ANKRD6: variants seen among roughly 807,000 people sequenced by gnomAD.
ANKRD6 encodes the protein ankyrin repeat domain 6.
A neutral mutation model predicts 82.3 loss-of-function variants in ANKRD6; 56 were observed. That is an observed-to-expected ratio of 0.68 (90% confidence interval 0.55 to 0.85). The LOEUF (loss-of-function observed/expected upper bound fraction) is 0.85, where lower values mean the gene tolerates loss of function less well. Ranked by LOEUF, ANKRD6 falls within the 40% of genes least tolerant of loss-of-function variation. ANKRD6 has a pLI of 0.00. For missense variants in ANKRD6, 852 were observed against 907.6 expected (o/e 0.94, Z 0.79); for synonymous variants, 347 against 352.1 (o/e 0.99, Z 0.16).
At chr6:89,440,956 C>G (rs150751206) in intron 1 of ANKRD6, among the ~76,000 whole-genome samples, 82 of 152,196 alleles carry the variant, frequency 5.4e-4, no homozygotes, top group Middle Eastern at 6.8e-3. Context: ...CAGAGATTAC[C>G]TGGCCCACAA....
chr6:89,481,110 T>C (rs1776756736), intron 1 of ANKRD6, among the ~76,000 whole-genome samples: 1 of 152,038 alleles, frequency 6.6e-6, no homozygotes, highest in Admixed American at 6.6e-5. Flanking sequence ...TCCTTGCATT[T>C]AAAAAATACA....
chr6:89,606,171 G>C (rs1412482652), intron 5 of ANKRD6, 66 bp downstream of exon 5: 1 of 1,321,268 alleles, frequency 7.6e-7, no homozygotes, highest in Non-Finnish European at 1.0e-6. Flanking sequence ...TTCTCCCCCT[G>C]TGGGAGCCTT....
intron 1 of ANKRD6, among the ~76,000 whole-genome samples, chr6:89,499,688 C>T (rs1003597090): frequency 6.6e-6 from 1 of 152,054 alleles, no homozygotes; most frequent in Admixed American, 6.6e-5. Context: ...TGGTAAGAAA[C>T]GTTAGTCTGC....
intron 4 of ANKRD6, 130 bp downstream of exon 4, chr6:89,603,257 T>G: frequency 1.5e-6 from 1 of 679,078 alleles, no homozygotes; most frequent in Non-Finnish European, 2.5e-6. Flanking sequence ...CACTTATGAT[T>G]TAACATGATT....
chr6:89,521,896 TTA>T (rs1242224889), intron 1 of ANKRD6, among the ~76,000 whole-genome samples: 1 of 152,216 alleles, frequency 6.6e-6, no homozygotes, highest in Non-Finnish European at 1.5e-5. Flanking sequence ...TTCTGTGCAT[TTA>T]TATTTATTTT....
chr6:89,443,254 G>A (rs1414163171), intron 1 of ANKRD6, among the ~76,000 whole-genome samples: 1 of 152,094 alleles, frequency 6.6e-6, no homozygotes, highest in African/African-American at 2.4e-5. Context: ...AGGTTTCTTT[G>A]GAATTCTTTG....
chr6:89,583,839 C>T lies in ANKRD6; in HGVS notation c.121-12077C>T, dbSNP rs531980309. Among the ~76,000 whole-genome samples the T allele has an allele frequency of 8.1e-4, 124 of 152,328 alleles. 1 individual carries two copies. Among genetic ancestry groups the T allele is most frequent in the South Asian group, 2.7e-3 (13 of 4,822 alleles). ...GGTTCTCAGTGGCAGTGAAGGCAGG[C>T]CCTGTTTGCCCCCTGCTTCTCTCCT... On this transcript the variant is annotated intron_variant, in intron 2 of 15. Coordinates refer to ENST00000339746, the MANE Select transcript of ANKRD6 (RefSeq NM_001242809.2).
At chr6:89,579,771 A>AAAAG (rs1216193225) in intron 2 of ANKRD6, among the ~76,000 whole-genome samples, 9 of 151,472 alleles carry the variant, frequency 5.9e-5, no homozygotes, top group Non-Finnish European at 1.2e-4. Context: ...AAAAAAAAAA[A>AAAAG]AAAAAAAGGC....
chr6:89,484,116 C>T (rs1015382741), intron 1 of ANKRD6, among the ~76,000 whole-genome samples: 3 of 152,176 alleles, frequency 2.0e-5, no homozygotes, highest in Non-Finnish European at 4.4e-5. Context: ...CCATGTTGGC[C>T]AGGCTGGTCT....
chr6:89,477,537 C>T (rs1455865385), intron 1 of ANKRD6, among the ~76,000 whole-genome samples: 1 of 151,094 alleles, frequency 6.6e-6, no homozygotes, highest in African/African-American at 2.4e-5. Flanking sequence ...TTTGGGAGGC[C>T]GAGGCGGGCG....
At chr6:89,623,029 G>A (rs1804139218) in intron 10 of ANKRD6, among the ~76,000 whole-genome samples, 1 of 124,554 alleles carries the variant, frequency 8.0e-6, no homozygotes, top group South Asian at 3.2e-4. Context: ...GGGTGGGGGG[G>A]GCGGGAGGGG....
intron 1 of ANKRD6, among the ~76,000 whole-genome samples, chr6:89,527,601 C>CAAAAAA (rs35855223): frequency 4.4e-3 from 195 of 43,898 alleles, no homozygotes; most frequent in Middle Eastern, 0.025. Context: ...GACTCCGTCT[C>CAAAAAA]AAAAAAAAAA....
chr6:89,604,750 G>A (rs574892980), intron 4 of ANKRD6, among the ~76,000 whole-genome samples: 6 of 152,114 alleles, frequency 3.9e-5, no homozygotes, highest in African/African-American at 7.2e-5. Context: ...GCCACACACC[G>A]CCAATACAGT....
In ANKRD6 at chr6:89,544,953, C is replaced by G. The variant is rs188034317; in HGVS notation, c.-143-21881C>G. Among the ~76,000 whole-genome samples the G allele has an allele frequency of 2.3e-3, 351 of 151,958 alleles. 1 individual carries two copies. The highest frequency in any genetic ancestry group is 8.2e-3 in the African/African-American group (340 of 41,448). On this transcript the variant is annotated intron_variant, in intron 1 of 15. Transcript: ENST00000339746. Reference sequence around the variant, plus strand: ...TTCGGGCCAGGCACGGTGGCTCACGCCTGTAATCCCAGCACTTCGGGAGGC... The same window carrying G: ...TTCGGGCCAGGCACGGTGGCTCACGGCTGTAATCCCAGCACTTCGGGAGGC...
chr6:89,544,441 C>T (rs562945081), intron 1 of ANKRD6, among the ~76,000 whole-genome samples: 2 of 152,364 alleles, frequency 1.3e-5, no homozygotes, highest in East Asian at 1.9e-4. Context: ...CCTGTCCGGG[C>T]ACAGTGGCTC....
At chr6:89,441,030 T>TA (rs1771308910) in intron 1 of ANKRD6, among the ~76,000 whole-genome samples, 1 of 152,198 alleles carries the variant, frequency 6.6e-6, no homozygotes, top group Admixed American at 6.5e-5. Context: ...CTTCACTAGA[T>TA]ACAAAATTAG....
chr6:89,622,661 G>A (rs536226990), intron 10 of ANKRD6, among the ~76,000 whole-genome samples: 2 of 152,180 alleles, frequency 1.3e-5, no homozygotes, highest in Non-Finnish European at 2.9e-5. Context: ...AGCAGAGCCC[G>A]AGCTGATTTC....
intron 2 of ANKRD6, among the ~76,000 whole-genome samples, chr6:89,575,981 T>C (rs1035980480): frequency 6.6e-6 from 1 of 152,220 alleles, no homozygotes; most frequent in Admixed American, 6.5e-5. Flanking sequence ...GGGAACTACA[T>C]GTAAGAATTT....
At chr6:89,489,322 CAT>C (rs1219735130) in intron 1 of ANKRD6, among the ~76,000 whole-genome samples, 1 of 152,182 alleles carries the variant, frequency 6.6e-6, no homozygotes, top group Non-Finnish European at 1.5e-5. Context: ...GCCCCTGAAT[CAT>C]GTCTTTGTCT....
Sources: gnomAD v4.1 joint callset for allele counts (sites outside exome capture counted in the v4.1 genomes callset) on GRCh38, gnomAD v4.1.1 for gene constraint, MANE v1.5 for transcripts, NCBI Gene and HGNC (gene_info 2026-07-23, HGNC 2026-07-21) for gene names.